The following RFC3 variants were observed in gnomAD, a reference collection of about 807,000 sequenced individuals.
RFC3 encodes replication factor C subunit 3, also known as A1 38 kDa subunit.
In RFC3, 41 loss-of-function variants were observed where a neutral mutation model predicts 45.1. The observed-to-expected ratio is 0.91, with a 90% CI of 0.71 to 1.18. The LOEUF is 1.18. Ranked by LOEUF, RFC3 falls within the 50% of genes most tolerant of loss-of-function variation. The probability of loss-of-function intolerance (pLI) is 0.00; values close to 1 mark genes in which losing one functional copy is unlikely to be tolerated. For synonymous variants in RFC3, 149 were observed against 144.0 expected (o/e 1.03, Z -0.25); for missense variants, 423 against 428.1 (o/e 0.99, Z 0.10).
intron 8 of RFC3, among the ~76,000 whole-genome samples, chr13:33,894,243 C>T (rs551520263): frequency 2.0e-5 from 3 of 152,216 alleles, no homozygotes; most frequent in Non-Finnish European, 2.9e-5. Context: ...CCTGGCAATC[C>T]AGGATATGGG....
At chr13:33,904,149 T>C (rs2082658277) in intron 8 of RFC3, among the ~76,000 whole-genome samples, 1 of 152,118 alleles carries the variant, frequency 6.6e-6, no homozygotes, top group African/African-American at 2.4e-5. Context: ...TTAGGGACTT[T>C]GTCTTTCTCA....
chr13:33,931,983 TTG>T (rs376686065), intron 8 of RFC3, among the ~76,000 whole-genome samples: 1 of 151,990 alleles, frequency 6.6e-6, no homozygotes, highest in African/African-American at 2.4e-5. Context: ...TTCTCGTATG[TTG>T]TGTGTGTGTG....
At chr13:33,894,336 C>T (rs544482493) in intron 8 of RFC3, among the ~76,000 whole-genome samples, 15 of 152,292 alleles carry the variant, frequency 9.8e-5, no homozygotes, top group Middle Eastern at 3.4e-3. Context: ...TCAGGATGTG[C>T]TTTGCATGCA....
At chr13:33,826,545 GTACA>G (rs1566378965) in intron 4 of RFC3, among the ~76,000 whole-genome samples, 1 of 152,018 alleles carries the variant, frequency 6.6e-6, no homozygotes, top group Non-Finnish European at 1.5e-5. Flanking sequence ...TGAATTCGCT[GTACA>G]TATTCTCAGC....
At chr13:33,969,927 C>T (rs551791621), downstream of RFC3, among the ~76,000 whole-genome samples, 1,595 of 143,564 alleles carry the variant, frequency 0.011, 13 homozygotes, top group Non-Finnish European at 0.017. Flanking sequence ...TTTTTTTTGC[C>T]TTCAACTTTT....
At chr13:33,923,723 T>C (rs557206810) in intron 8 of RFC3, among the ~76,000 whole-genome samples, 2 of 152,238 alleles carry the variant, frequency 1.3e-5, no homozygotes, top group Middle Eastern at 3.4e-3. Context: ...GGTCTGTGGA[T>C]AGCTGGCTCT....
At chr13:33,890,092 A>G (rs2082554074) in intron 8 of RFC3, among the ~76,000 whole-genome samples, 1 of 152,126 alleles carries the variant, frequency 6.6e-6, no homozygotes. Flanking sequence ...ACTCTTTATG[A>G]TCAGGAGCAG....
intron 8 of RFC3, among the ~76,000 whole-genome samples, chr13:33,944,540 C>T (rs536200403): frequency 1.8e-4 from 27 of 152,176 alleles, no homozygotes; most frequent in African/African-American, 5.1e-4. Flanking sequence ...GGTTCATTTG[C>T]GATCACCATC....
chr13:33,854,440 A>C (rs1040697440), intron 8 of RFC3, among the ~76,000 whole-genome samples: 1 of 152,242 alleles, frequency 6.6e-6, no homozygotes, highest in Non-Finnish European at 1.5e-5. Flanking sequence ...GGACTAGCAC[A>C]GGGAAATTAA....
downstream of RFC3, among the ~76,000 whole-genome samples, chr13:33,840,181 T>G (rs1273652092): frequency 6.6e-6 from 1 of 152,126 alleles, no homozygotes; most frequent in African/African-American, 2.4e-5. Context: ...TTTGAAAAAC[T>G]GATTTTGAAT....
chr13:33,912,793 G>A (rs531514951), intron 8 of RFC3, among the ~76,000 whole-genome samples: 3 of 152,284 alleles, frequency 2.0e-5, no homozygotes, highest in Admixed American at 6.5e-5. Context: ...TGTCACAGAA[G>A]AGATTGCCAT....
intron 8 of RFC3, among the ~76,000 whole-genome samples, chr13:33,948,256 A>G (rs1233379903): frequency 6.6e-6 from 1 of 152,194 alleles, no homozygotes; most frequent in Non-Finnish European, 1.5e-5. Context: ...AGCTCAGGCC[A>G]TTGCTTCAGA....
rs1379774594 is a variant in RFC3, at chr13:33,845,743, C to T, written c.879+10526C>T. On this transcript the variant is annotated intron_variant, in intron 8 of 8. Coordinates refer to the RFC3 transcript ENST00000434425. ...GTTTGGAATTCTCTGTCTGAAAGGT[C>T]ACATATCTCTTTCACTTCTGGACTG... 2.6e-5 allele frequency among the ~76,000 whole-genome samples: 4 copies of T among 152,204 alleles called. No homozygotes were observed. In the East Asian group the frequency reaches 7.7e-4, roughly 29 times the overall value.
At chr13:33,940,449 A>C (rs376894980) in intron 8 of RFC3, among the ~76,000 whole-genome samples, 19 of 152,292 alleles carry the variant, frequency 1.2e-4, no homozygotes, top group African/African-American at 4.6e-4. Context: ...ATAGCCCAGC[A>C]TGTTGCTAAT....
intron 8 of RFC3, among the ~76,000 whole-genome samples, chr13:33,918,733 C>T (rs932794338): frequency 1.5e-4 from 23 of 152,116 alleles, no homozygotes; most frequent in South Asian, 2.1e-4. Context: ...GAGGCTGTCA[C>T]ATCCCATTAC....
chr13:33,892,932 T>G (rs1192979991), intron 8 of RFC3, among the ~76,000 whole-genome samples: 3 of 152,186 alleles, frequency 2.0e-5, no homozygotes, highest in Non-Finnish European at 1.5e-5. Context: ...ATTCACAATT[T>G]CTACACTCAA....
chr13:33,975,800 G>C, the RFC3 span, among the ~76,000 whole-genome samples: 1 of 152,104 alleles, frequency 6.6e-6, no homozygotes, highest in Admixed American at 6.6e-5. Flanking sequence ...ATGTATACTA[G>C]AATTGAACAA....
At chr13:33,872,021 T>A (rs895795003) in intron 8 of RFC3, among the ~76,000 whole-genome samples, 1 of 152,206 alleles carries the variant, frequency 6.6e-6, no homozygotes, top group Non-Finnish European at 1.5e-5. Flanking sequence ...TTTATTAACG[T>A]TCAGACAGGA....
At chr13:33,914,847 C>T (rs2082723899) in intron 8 of RFC3, among the ~76,000 whole-genome samples, 1 of 152,012 alleles carries the variant, frequency 6.6e-6, no homozygotes, top group African/African-American at 2.4e-5. Flanking sequence ...ATGTTTATAG[C>T]TATGCAAAGA....
Sources: gnomAD v4.1 joint callset for allele counts (sites outside exome capture counted in the v4.1 genomes callset) on GRCh38, gnomAD v4.1.1 for gene constraint, MANE v1.5 for transcripts, NCBI Gene and HGNC (gene_info 2026-07-23, HGNC 2026-07-21) for gene names.